The following ELP4 variants were observed in gnomAD, a reference collection of about 807,000 sequenced individuals.
The protein encoded by ELP4 is elongator complex protein 4.
In ELP4, 51 loss-of-function variants were observed where a neutral mutation model predicts 48.9. That is an observed-to-expected ratio of 1.04 (90% CI 0.83 to 1.32). ELP4 has a LOEUF of 1.32. Among genes scored for constraint, ELP4 ranks in the 40% most tolerant of loss-of-function variants. The pLI, the probability that ELP4 is intolerant of heterozygous loss-of-function variation, is 0.00. For missense variants in ELP4, 519 were observed against 514.6 expected (o/e 1.01, Z -0.08); for synonymous variants, 210 against 189.2 (o/e 1.11, Z -0.90).
chr11:31,693,731 T>C (rs1361757811), intron 9 of ELP4, among the ~76,000 whole-genome samples: 1 of 152,154 alleles, frequency 6.6e-6, no homozygotes, highest in Non-Finnish European at 1.5e-5. Context: ...CTTGAGGAGT[T>C]GCCACACTGT....
chr11:31,675,695 A>T (rs1486458852), intron 9 of ELP4, among the ~76,000 whole-genome samples: 4 of 152,204 alleles, frequency 2.6e-5, no homozygotes, highest in Non-Finnish European at 4.4e-5. Context: ...TGTGGAAGTT[A>T]TGAAAGAAGT....
At chr11:31,755,607 G>C (rs1947816704) in intron 9 of ELP4, among the ~76,000 whole-genome samples, 1 of 151,526 alleles carries the variant, frequency 6.6e-6, no homozygotes, top group Non-Finnish European at 1.5e-5. Context: ...TAAAATAACT[G>C]ATCAGTACTC....
intron 9 of ELP4, among the ~76,000 whole-genome samples, chr11:31,665,597 G>A (rs1462062294): frequency 6.8e-6 from 1 of 147,352 alleles, no homozygotes; most frequent in African/African-American, 2.5e-5. Context: ...ACTCTTGCCA[G>A]TTCTTGAAAC....
intron 9 of ELP4, among the ~76,000 whole-genome samples, chr11:31,750,605 T>C (rs1947699085): frequency 6.6e-6 from 1 of 152,168 alleles, no homozygotes; most frequent in Non-Finnish European, 1.5e-5. Context: ...AGATGTTTTC[T>C]TCCATAAAAA....
intron 6 of ELP4, among the ~76,000 whole-genome samples, chr11:31,628,072 A>G (rs1944784262): frequency 6.6e-6 from 1 of 152,012 alleles, no homozygotes; most frequent in African/African-American, 2.4e-5. Flanking sequence ...GGAAATACTT[A>G]TGTGTGTATG....
intron 9 of ELP4, among the ~76,000 whole-genome samples, chr11:31,763,896 T>C (rs939049903): frequency 9.2e-5 from 14 of 151,410 alleles, no homozygotes; most frequent in African/African-American, 3.2e-4. Flanking sequence ...CTTCATTTAT[T>C]TTTTTTTTAA....
intron 3 of ELP4, among the ~76,000 whole-genome samples, chr11:31,552,954 G>T (rs1364704725): frequency 6.6e-6 from 1 of 152,058 alleles, no homozygotes; most frequent in Non-Finnish European, 1.5e-5. Context: ...ATTTGCTGTT[G>T]CCTTGGCTAA....
rs1948608955 is a variant in ELP4 at position 31,786,221 on chromosome 11, T to A, written c.*2697T>A. On this transcript the variant is annotated 3_prime_UTR_variant, in exon 10 of 10. Coordinates refer to ENST00000640961, the MANE Select transcript of ELP4 (RefSeq NM_019040.5). ...CTGCAATCAATTCCCTGTCCATCTT[T>A]TAACAAATCAGACACACATAGGCAT... 4.8e-6 allele frequency: 1 copy of A among 207,724 alleles called. No individual in the cohort carries two copies. Among genetic ancestry groups the A allele is most frequent in the African/African-American group, 2.3e-5 (1 of 43,916 alleles). The allele number at this position is 207,724 out of a possible 1,614,324, so 12.9% of individuals were successfully genotyped here. A position where few individuals can be genotyped will look rare whatever the true frequency, so the allele number is the denominator to read the frequency against.
intron 3 of ELP4, among the ~76,000 whole-genome samples, chr11:31,540,513 G>A (rs1956575307): frequency 6.6e-6 from 1 of 152,024 alleles, no homozygotes; most frequent in African/African-American, 2.4e-5. Context: ...AAGAGATGAG[G>A]TCTCACTATG....
chr11:31,730,212 C>T (rs942745715), intron 9 of ELP4, among the ~76,000 whole-genome samples: 2 of 152,062 alleles, frequency 1.3e-5, no homozygotes, highest in Non-Finnish European at 1.5e-5. Flanking sequence ...ATGCCACAGA[C>T]CTGGGTAATT....
chr11:31,718,692 A>C (rs1946891860), intron 9 of ELP4, among the ~76,000 whole-genome samples: 2 of 152,290 alleles, frequency 1.3e-5, no homozygotes, highest in Non-Finnish European at 2.9e-5. Context: ...GGACTTCCTC[A>C]CACATGGTGG....
chr11:31,698,381 A>G (rs1466632901), intron 9 of ELP4, among the ~76,000 whole-genome samples: 4 of 152,066 alleles, frequency 2.6e-5, no homozygotes, highest in African/African-American at 7.2e-5. Flanking sequence ...TACATTTCCT[A>G]TGTATATGCT....
chr11:31,760,512 A>G (rs1479103610), intron 9 of ELP4, among the ~76,000 whole-genome samples: 1 of 152,228 alleles, frequency 6.6e-6, no homozygotes, highest in African/African-American at 2.4e-5. Flanking sequence ...TAAGTATGCT[A>G]GATTTTTTTA....
chr11:31,549,478 C>T (rs1033507358), intron 3 of ELP4, among the ~76,000 whole-genome samples: 1 of 151,710 alleles, frequency 6.6e-6, no homozygotes. Context: ...ATTAAAAAGT[C>T]AGGAAACAAC....
At chr11:31,641,636 A>G (rs917920591) in intron 7 of ELP4, among the ~76,000 whole-genome samples, 6 of 151,916 alleles carry the variant, frequency 3.9e-5, no homozygotes, top group African/African-American at 1.4e-4. Flanking sequence ...CATTTGTTCA[A>G]AATTCAAGCA....
intron 9 of ELP4, among the ~76,000 whole-genome samples, chr11:31,678,920 G>C (rs1469624366): frequency 6.6e-6 from 1 of 152,100 alleles, no homozygotes; most frequent in Non-Finnish European, 1.5e-5. Flanking sequence ...TCAGCATTTG[G>C]TGTTATCAGT....
chr11:31,533,994 C>T (rs1202391631), intron 2 of ELP4, among the ~76,000 whole-genome samples: 1 of 151,734 alleles, frequency 6.6e-6, no homozygotes, highest in Non-Finnish European at 1.5e-5. Flanking sequence ...CGCCACCACG[C>T]CCAGCTAATG....
Position 31,603,885 on chromosome 11 carries a change from T to G in ELP4, c.631T>G (p.Ser211Ala), listed in dbSNP as rs745522128. 1 of 1,611,688 alleles carries G rather than the reference T, an allele frequency of 6.2e-7. No homozygotes were observed. The highest frequency in any genetic ancestry group is 8.5e-7 in the Non-Finnish European group (1 of 1,178,396). Reference protein sequence around the residue: ...HGFFLPEKISSTLKVEPCSLT... With the variant: ...HGFFLPEKISATLKVEPCSLT... ...ATTTTTTCTTCCAGAGAAAATATCT[T>G]CAACTCTCAAAGTAGAACCCTGGTA... Residue 211 changes from serine to alanine, a missense_variant, in exon 5 of 10, where the codon TCA becomes GCA. Ser to Ala is a moderately conservative substitution (Grantham distance 99). Coordinates refer to ENST00000640961, the MANE Select transcript of ELP4 (RefSeq NM_019040.5).
Position 31,789,562 on chromosome 11 carries a change from TC to T in ELP4, c.*6039del. The T allele has an allele frequency of 5.0e-6, 3 of 604,400 alleles. No homozygotes were observed. The highest frequency in any genetic ancestry group is 8.7e-6 in the Non-Finnish European group (3 of 344,422). 37.4% of individuals were successfully genotyped at this position (604,400 alleles called of 1,614,324 possible). ...TTAAATTCGTGGCAAAGCTTGTTGA[TC>T]ATGGTTTTCTTTTTAAAAAAAAAAA... is the stretch of plus-strand genomic sequence containing the variant. On this transcript the variant is annotated 3_prime_UTR_variant, in exon 10 of 10. Coordinates refer to ENST00000640961, the MANE Select transcript of ELP4 (RefSeq NM_019040.5).
Sources: gnomAD v4.1 joint callset for allele counts (sites outside exome capture counted in the v4.1 genomes callset) on GRCh38, gnomAD v4.1.1 for gene constraint, MANE v1.5 for transcripts, NCBI Gene and HGNC (gene_info 2026-07-23, HGNC 2026-07-21) for gene names.